The following GABBR2 variants were observed in gnomAD, a reference collection of about 807,000 sequenced individuals.
The protein encoded by GABBR2 is gamma-aminobutyric acid type B receptor subunit 2, also known as G-protein coupled receptor 51.
A neutral mutation model predicts 105.6 loss-of-function variants in GABBR2; 23 were observed. The ratio of observed to expected loss-of-function variants is 0.22; its 90% CI spans 0.16 to 0.31. GABBR2 has a LOEUF of 0.31. Ranked by LOEUF, GABBR2 falls within the 10% of genes least tolerant of loss-of-function variation. GABBR2 has a pLI of 1.00. For missense variants in GABBR2, 734 were observed against 1,245.5 expected, an observed-to-expected ratio of 0.59 and a Z score of 6.18; for synonymous variants, 478 against 499.7, an observed-to-expected ratio of 0.96 and a Z score of 0.58.
At chr9:98,655,235 A>C (rs1830163272) in intron 1 of GABBR2, among the ~76,000 whole-genome samples, 1 of 152,196 alleles carries the variant, frequency 6.6e-6, no homozygotes, top group African/African-American at 2.4e-5. Flanking sequence ...GTTGGGCGAT[A>C]AGAAAGTATT....
At chr9:98,497,398 A>G (rs1827303245) in intron 3 of GABBR2, among the ~76,000 whole-genome samples, 1 of 151,748 alleles carries the variant, frequency 6.6e-6, no homozygotes, top group African/African-American at 2.4e-5. Flanking sequence ...AAAATCCCCT[A>G]ATTTTTAAAT....
intron 7 of GABBR2, among the ~76,000 whole-genome samples, chr9:98,427,967 G>A (rs565345101): frequency 6.6e-6 from 1 of 152,252 alleles, no homozygotes; most frequent in Non-Finnish European, 1.5e-5. Flanking sequence ...TGTATTATCC[G>A]AGAGACCCCA....
chr9:98,593,258 C>T (rs1829172671), intron 1 of GABBR2, among the ~76,000 whole-genome samples: 1 of 152,232 alleles, frequency 6.6e-6, no homozygotes, highest in South Asian at 2.1e-4. Flanking sequence ...AACAGAAAAG[C>T]TCTGCACCCA....
chr9:98,599,458 T>A (rs1048548715), intron 1 of GABBR2, among the ~76,000 whole-genome samples: 10 of 152,194 alleles, frequency 6.6e-5, no homozygotes, highest in African/African-American at 2.4e-4. Context: ...CAGGCCTGTT[T>A]AGCAAATGAA....
intron 1 of GABBR2, among the ~76,000 whole-genome samples, chr9:98,695,012 CTT>C (rs1485335656): frequency 6.6e-6 from 1 of 152,244 alleles, no homozygotes; most frequent in East Asian, 1.9e-4. Flanking sequence ...GCATCTCTCT[CTT>C]GCCTTCAAAT....
At chr9:98,356,925 C>G (rs1831495101) in intron 13 of GABBR2, among the ~76,000 whole-genome samples, 1 of 152,160 alleles carries the variant, frequency 6.6e-6, no homozygotes, top group South Asian at 2.1e-4. Context: ...ACCTTAAATG[C>G]ATATTACTAA....
intron 1 of GABBR2, among the ~76,000 whole-genome samples, chr9:98,605,174 A>G (rs1829396347): frequency 6.6e-6 from 1 of 152,240 alleles, no homozygotes; most frequent in Non-Finnish European, 1.5e-5. Context: ...AGGCCTCCAC[A>G]GGGATGTACA....
Position 98,457,122 on chromosome 9 carries a change from G to A in GABBR2, c.1000-2905C>T, listed in dbSNP as rs574301275. On this transcript the variant is annotated intron_variant, in intron 6 of 18. Transcript: ENST00000259455. ...GATGCGTGTTTCTTTAATTAATTGC[G>A]TTAAGCATCACAGAAATGAGGCCCC... Among the ~76,000 whole-genome samples, 55 of 152,162 alleles carry A rather than the reference G, an allele frequency of 3.6e-4. 1 individual carries two copies. Among genetic ancestry groups the A allele is most frequent in the African/African-American group, 7.2e-4 (30 of 41,426 alleles).
chr9:98,651,656 T>G (rs1052673926), intron 1 of GABBR2, among the ~76,000 whole-genome samples: 19 of 151,014 alleles, frequency 1.3e-4, no homozygotes, highest in Non-Finnish European at 3.0e-5. Context: ...GGTTTCAAAC[T>G]CCTGGCCTCA....
chr9:98,491,565 T>C (rs1029588628), intron 4 of GABBR2, among the ~76,000 whole-genome samples: 5 of 152,202 alleles, frequency 3.3e-5, no homozygotes, highest in Non-Finnish European at 7.3e-5. Context: ...CTGTTTGCAT[T>C]ATGGTATATT....
chr9:98,296,461 G>A (rs1349716618), intron 17 of GABBR2, among the ~76,000 whole-genome samples: 1 of 152,142 alleles, frequency 6.6e-6, no homozygotes, highest in East Asian at 1.9e-4. Context: ...CCCAAAAGTG[G>A]GATTGCTGGG....
At chr9:98,411,318 T>C (rs1832587462) in intron 7 of GABBR2, among the ~76,000 whole-genome samples, 1 of 152,242 alleles carries the variant, frequency 6.6e-6, no homozygotes, top group Admixed American at 6.5e-5. Flanking sequence ...ACCCTAAGTT[T>C]TGGCGTTTGC....
At chr9:98,684,195 A>G (rs1830592539) in intron 1 of GABBR2, among the ~76,000 whole-genome samples, 2 of 148,012 alleles carry the variant, frequency 1.4e-5, no homozygotes, top group African/African-American at 4.9e-5. Context: ...AAAAAAAAAA[A>G]TTGGTTGTGG....
At chr9:98,688,817 C>A (rs933850223) in intron 1 of GABBR2, among the ~76,000 whole-genome samples, 9 of 152,168 alleles carry the variant, frequency 5.9e-5, no homozygotes, top group Non-Finnish European at 1.3e-4. Flanking sequence ...CTGGGAGGGG[C>A]GTTCCAGGGA....
chr9:98,299,164 T>C, intron 17 of GABBR2, 60 bp downstream of exon 17: 1 of 1,429,664 alleles, frequency 7.0e-7, no homozygotes. Context: ...AAATGGAAGA[T>C]GAACAGCTGG....
intron 1 of GABBR2, among the ~76,000 whole-genome samples, chr9:98,600,739 A>T (rs1460851182): frequency 2.0e-5 from 3 of 152,196 alleles, no homozygotes; most frequent in African/African-American, 7.2e-5. Flanking sequence ...GGCCCCTCAC[A>T]CCTAGCCAGT....
At chr9:98,614,200 T>C (rs1026106688) in intron 1 of GABBR2, among the ~76,000 whole-genome samples, 1 of 152,130 alleles carries the variant, frequency 6.6e-6, no homozygotes, top group Admixed American at 6.5e-5. Context: ...CTAATCACAA[T>C]AAATATAAAC....
intron 7 of GABBR2, among the ~76,000 whole-genome samples, chr9:98,418,142 G>T (rs1296780084): frequency 1.3e-5 from 2 of 152,126 alleles, no homozygotes; most frequent in African/African-American, 4.8e-5. Context: ...TGTGGAAAAT[G>T]GATGGGCATG....
At chr9:98,649,948 A>C (rs879912494) in intron 1 of GABBR2, among the ~76,000 whole-genome samples, 3 of 152,230 alleles carry the variant, frequency 2.0e-5, no homozygotes, top group Non-Finnish European at 4.4e-5. Flanking sequence ...CAGCTATGTT[A>C]ATAAAATATC....
Sources: allele counts gnomAD v4.1 joint callset (sites outside exome capture counted in the v4.1 genomes callset), GRCh38; gene constraint gnomAD v4.1.1; transcripts MANE v1.5; gene names NCBI Gene and HGNC (gene_info 2026-07-23, HGNC 2026-07-21).